Variants in NTRK3 observed in about 807,000 individuals in gnomAD.
NTRK3 encodes the protein neurotrophic receptor tyrosine kinase 3, also known as NT-3 growth factor receptor.
A neutral mutation model predicts 91.7 loss-of-function variants in NTRK3; 24 were observed. That is an observed-to-expected ratio of 0.26 (90% CI 0.19 to 0.37). The LOEUF (loss-of-function observed/expected upper bound fraction) is 0.37, where lower values mean the gene tolerates loss of function less well. Ranked by LOEUF, NTRK3 falls within the 10% of genes least tolerant of loss-of-function variation. The pLI is 1.00. For synonymous variants in NTRK3, 483 were observed against 404.0 expected (o/e 1.20, Z -2.34); for missense variants, 880 against 1,068.9 (o/e 0.82, Z 2.46).
At chr15:88,029,932 C>T (rs2078377358) in intron 14 of NTRK3, among the ~76,000 whole-genome samples, 1 of 152,188 alleles carries the variant, frequency 6.6e-6, no homozygotes, top group Non-Finnish European at 1.5e-5. Context: ...CTGTGTGAGT[C>T]ACCAAAGGAT....
At chr15:88,245,653 T>G (rs1175051707) in intron 3 of NTRK3, among the ~76,000 whole-genome samples, 1 of 152,106 alleles carries the variant, frequency 6.6e-6, no homozygotes, top group Non-Finnish European at 1.5e-5. Flanking sequence ...CTTGTGGGGA[T>G]GAGGTTCTGG....
At chr15:87,978,929 C>T (rs937685527) in intron 14 of NTRK3, 2 of 327,432 alleles carry the variant, frequency 6.1e-6, no homozygotes, top group Admixed American at 4.5e-5. Flanking sequence ...GCCAGGGAGA[C>T]CCCACGCTTC....
Position 88,240,154 on chromosome 15 carries a change from AG to A in NTRK3, c.248+15751del, listed in dbSNP as rs1329702864. ...CACAGGATTGCCCCCAGAGAAACCC[AG>A]GGCTGCTGCATCTGTATGGCTCCCC... On this transcript the variant is annotated intron_variant, in intron 3 of 18. Coordinates refer to ENST00000394480, the Ensembl canonical transcript of NTRK3. This position sits in a 1 kb window ranked among gnomAD's most constrained non-coding sequence, Gnocchi z 4.9. Among the ~76,000 whole-genome samples, 2 of 131,170 alleles carry A rather than the reference AG, an allele frequency of 1.5e-5. No homozygotes were observed. Among genetic ancestry groups the A allele is most frequent in the African/African-American group, 5.9e-5 (2 of 33,996 alleles). The allele number at this position is 131,170 out of a possible 152,430, so 86.1% of individuals were successfully genotyped here. A position where few individuals can be genotyped will look rare whatever the true frequency, so the allele number is the denominator to read the frequency against.
Position 88,158,532 on chromosome 15 carries a change from C to T in NTRK3, c.396-11129G>A, listed in dbSNP as rs111618641. On this transcript the variant is annotated intron_variant, in intron 5 of 18. Transcript: ENST00000394480. ...TATTGGCCACCTGCATCTGGGTCTC[C>T]GCTGCAGCACAAGGCCACCAAAGGC... Among the ~76,000 whole-genome samples, 431 of 152,310 alleles carry T rather than the reference C, an allele frequency of 2.8e-3. 3 individuals are homozygous for T. In the Middle Eastern group the frequency reaches 0.031, roughly 11 times the overall value.
exon 16 of NTRK3, chr15:87,933,106 G>A (rs2141955997): frequency 6.2e-7 from 1 of 1,614,122 alleles, no homozygotes; most frequent in African/African-American, 1.3e-5. Flanking sequence ...TTGACAATGT[G>A]CTCATGCTGC....
intron 3 of NTRK3, chr15:88,209,871 C>G (rs557971896): frequency 6.6e-6 from 1 of 152,360 alleles, no homozygotes; most frequent in East Asian, 1.9e-4. Context: ...GCCTGAAGGG[C>G]AGGGAATGGA....
chr15:88,173,362 T>C (rs2045703580), intron 5 of NTRK3, among the ~76,000 whole-genome samples: 1 of 152,158 alleles, frequency 6.6e-6, no homozygotes, highest in South Asian at 2.1e-4. Context: ...CCACCTACAG[T>C]CATAATCCTG....
intron 3 of NTRK3, among the ~76,000 whole-genome samples, chr15:88,231,651 G>A (rs941357388): frequency 1.2e-4 from 18 of 152,148 alleles, no homozygotes; most frequent in Non-Finnish European, 2.6e-4. Flanking sequence ...TAAGAGAGGT[G>A]CTGAACCCGC....
rs145078464 is a variant in NTRK3, at chr15:88,050,083, T to C, written c.1397-17038A>G. Among the ~76,000 whole-genome samples, 35 of 152,240 alleles carry C rather than the reference T, an allele frequency of 2.3e-4. 1 individual carries two copies. The East Asian group carries it at 6.4e-3, about 28-fold the overall frequency. ...GCACAGGCATTCATTAAACCAACAA[T>C]TTGCCCCTGAATTTTTTTTAATGCA... On this transcript the variant is annotated intron_variant, in intron 13 of 18. Transcript: ENST00000394480.
chr15:87,936,944 C>T (rs2069345492), intron 15 of NTRK3, among the ~76,000 whole-genome samples: 2 of 152,244 alleles, frequency 1.3e-5, no homozygotes, highest in East Asian at 3.9e-4. Flanking sequence ...GGTCTGGTCT[C>T]CCCATCTCTC....
At chr15:88,113,206 C>A (rs2051619398) in intron 13 of NTRK3, among the ~76,000 whole-genome samples, 1 of 152,086 alleles carries the variant, frequency 6.6e-6, no homozygotes, top group Admixed American at 6.5e-5. Flanking sequence ...CTGGAAACTG[C>A]CAGGCTTATA....
In NTRK3 at chr15:87,950,972, TTTTA is replaced by T. The variant is rs2071053144; in HGVS notation, c.1586-10223_1586-10220del. Among the ~76,000 whole-genome samples the T allele has an allele frequency of 2.0e-5, 3 of 152,244 alleles. No individual in the cohort carries two copies. The South Asian group carries it at 6.2e-4, about 32-fold the overall frequency. The stretch of plus-strand genomic sequence containing the variant: ...AGAGTATCCATGTCTTCAGGACAGT[TTTTA>T]GTCTGATATTTGAGAATTCTGATAA... On this transcript the variant is annotated intron_variant, in intron 14 of 18. Transcript: ENST00000394480.
chr15:88,178,030 C>T (rs775662895), intron 5 of NTRK3, among the ~76,000 whole-genome samples: 1 of 152,160 alleles, frequency 6.6e-6, no homozygotes, highest in Non-Finnish European at 1.5e-5. Context: ...ATCTTCAAAG[C>T]CCATGCTCCT....
exon 9 of NTRK3, chr15:88,136,013 C>A: frequency 6.2e-7 from 1 of 1,614,232 alleles, no homozygotes; most frequent in South Asian, 1.1e-5. Context: ...AAGTTGATGG[C>A]ATGAACATTG....
chr15:88,059,751 AATGTT>A (rs1384143290), intron 13 of NTRK3, among the ~76,000 whole-genome samples: 1 of 152,156 alleles, frequency 6.6e-6, no homozygotes, highest in Non-Finnish European at 1.5e-5. Flanking sequence ...TTTATATGTT[AATGTT>A]ATAACACCCA....
intron 5 of NTRK3, among the ~76,000 whole-genome samples, chr15:88,156,871 G>T (rs781289182): frequency 2.0e-5 from 3 of 152,254 alleles, no homozygotes; most frequent in Non-Finnish European, 4.4e-5. Context: ...CGTATGGAAA[G>T]TTCAACGGAA....
chr15:88,223,704 C>G (rs753467635), intron 3 of NTRK3, among the ~76,000 whole-genome samples: 1 of 152,156 alleles, frequency 6.6e-6, no homozygotes, highest in South Asian at 2.1e-4. Flanking sequence ...ATAATAATAC[C>G]GTCTACCTCC....
chr15:88,094,107 C>T (rs952544936), intron 13 of NTRK3, among the ~76,000 whole-genome samples: 4 of 152,052 alleles, frequency 2.6e-5, no homozygotes, highest in Admixed American at 1.3e-4. Flanking sequence ...CTTTAAAAAG[C>T]CAGTGGAAGG....
At chr15:88,033,205 TATATATATATAA>T (rs1358038340) in intron 13 of NTRK3, among the ~76,000 whole-genome samples, 160 bp from the exon 14 acceptor site, 8 of 119,130 alleles carry the variant, frequency 6.7e-5, no homozygotes, top group African/African-American at 2.7e-4. Flanking sequence ...TATATATATA[TATATATATATAA>T]ATTCAGTTGT....
Sources: gnomAD v4.1 joint callset for allele counts (sites outside exome capture counted in the v4.1 genomes callset) on GRCh38, gnomAD v4.1.1 for gene constraint, Gnocchi (gnomAD v3.1) non-coding constraint, MANE v1.5 for transcripts, NCBI Gene and HGNC (gene_info 2026-07-23, HGNC 2026-07-21) for gene names.